The following TAF1 variants were observed in gnomAD, a reference collection of about 807,000 sequenced individuals.
TAF1 encodes transcription initiation factor TFIID subunit 1.
In TAF1, 2 loss-of-function variants were observed where a neutral mutation model predicts 138.5. The observed-to-expected ratio is 0.01, with a 90% CI of 0.01 to 0.05. The LOEUF (loss-of-function observed/expected upper bound fraction) is 0.05, where lower values mean the gene tolerates loss of function less well. TAF1 is among the 10% of genes least tolerant of loss of function. TAF1 has a pLI of 1.00. For synonymous variants in TAF1, 437 were observed against 503.2 expected, an observed-to-expected ratio of 0.87 and a Z score of 1.76; for missense variants, 709 against 1,478.0, an observed-to-expected ratio of 0.48 and a Z score of 8.53.
intron 13 of TAF1, among the ~76,000 whole-genome samples, chrX:71,473,507 A>T (rs12393417): frequency 0.024 from 2,596 of 108,051 alleles, 90 homozygotes; most frequent in African/African-American, 0.08. Flanking sequence ...CTTAAAAAAA[A>T]TTTTTTTTTT....
chrX:71,519,045 G>A (rs1172846333), intron 13 of TAF1, among the ~76,000 whole-genome samples: 3 of 108,240 alleles, frequency 2.8e-5, no homozygotes, highest in Non-Finnish European at 5.7e-5. Context: ...TACCCTGGCC[G>A]GGCGCGGTGG....
intron 3 of TAF1, among the ~76,000 whole-genome samples, chrX:71,369,605 C>CTTTTT (rs762612709): frequency 1.1e-5 from 1 of 92,203 alleles, no homozygotes; most frequent in African/African-American, 3.9e-5. Context: ...CAGTGTGTTT[C>CTTTTT]TTTTTTTTTT....
chrX:71,384,155 A>T lies in TAF1; in HGVS notation c.2121+20A>T, dbSNP rs199801881. 10 of 1,201,410 alleles carry T rather than the reference A, an allele frequency of 8.3e-6. No individual in the cohort carries two copies. In the African/African-American group the frequency reaches 1.1e-4, roughly 13 times the overall value. The stretch of plus-strand genomic sequence containing the variant: ...AAACGGGTGAGTCTCTGCTCAGAAA[A>T]TTTTTTTCCCATACATAATTCTGCT... On this transcript the variant is annotated intron_variant, in intron 13 of 37. Transcript: ENST00000423759.
In TAF1 at chrX:71,477,527, C is replaced by T. The variant is rs183259976; in HGVS notation, c.1366+16724C>T. ...CCAGTCCCAAACTCCTGGCCTCAAT[C>T]GATGCTCCTACCTCAGCCTTCCAAA... On this transcript the variant is annotated intron_variant and NMD_transcript_variant, in intron 13 of 14. Coordinates refer to the TAF1 transcript ENST00000373775. 3.3e-3 allele frequency among the ~76,000 whole-genome samples: 370 copies of T among 110,616 alleles called. 1 individual carries two copies. Among genetic ancestry groups the T allele is most frequent in the South Asian group, 9.6e-3 (25 of 2,605 alleles).
At chrX:71,407,819 T>G (rs2035554153) in intron 27 of TAF1, 147 bp downstream of exon 27, 2 of 963,201 alleles carry the variant, frequency 2.1e-6, no homozygotes, top group Admixed American at 3.5e-5. Context: ...TTGTTTGTTT[T>G]TTTAAGCAGT....
chrX:71,383,890 A>G (rs934745528), intron 12 of TAF1, 72 bp from the exon 13 acceptor site: 9 of 1,078,588 alleles, frequency 8.3e-6, no homozygotes, highest in Non-Finnish European at 1.1e-5. Context: ...TGTTTGTCTC[A>G]GATTGAACAA....
At chrX:71,457,475 G>A (rs1046168749) in intron 34 of TAF1, among the ~76,000 whole-genome samples, 1 of 111,945 alleles carries the variant, frequency 8.9e-6, no homozygotes, top group Non-Finnish European at 1.9e-5. Context: ...ACATTATTTT[G>A]TGAGCACTTT....
intron 13 of TAF1, among the ~76,000 whole-genome samples, chrX:71,498,198 C>T (rs2147561949): frequency 8.9e-6 from 1 of 111,828 alleles, no homozygotes; most frequent in African/African-American, 3.2e-5. Flanking sequence ...ACCCTTGGGG[C>T]AAGACCGTCA....
rs767602165 is a variant in TAF1 at position 71,432,830 on chromosome X, G to A, written c.4753+8592G>A. Reference sequence around the variant, plus strand: ...AATTTGTGTTTTATCTTAAAAATGTGTGCAAATTTTCCGTTAGGCTTATCT... The same window carrying A: ...AATTTGTGTTTTATCTTAAAAATGTATGCAAATTTTCCGTTAGGCTTATCT... On this transcript the variant is annotated intron_variant, in intron 32 of 37. Coordinates refer to ENST00000423759, the MANE Select transcript of TAF1 (RefSeq NM_004606.5). 2.7e-5 allele frequency among the ~76,000 whole-genome samples: 3 copies of A among 111,743 alleles called. No individual in the cohort carries two copies. In the South Asian group the frequency reaches 1.1e-3, roughly 41 times the overall value.
intron 13 of TAF1, among the ~76,000 whole-genome samples, chrX:71,525,322 G>A (rs753662918): frequency 4.5e-5 from 5 of 112,313 alleles, no homozygotes; most frequent in South Asian, 3.6e-4. Flanking sequence ...GATTACAGGC[G>A]TGAGCCACCA....
intron 22 of TAF1, among the ~76,000 whole-genome samples, chrX:71,396,414 T>G (rs914601490): frequency 3.8e-5 from 4 of 106,526 alleles, no homozygotes; most frequent in East Asian, 3.1e-4. Context: ...TCCTCCCACC[T>G]CAGCCTCCTG....
chrX:71,510,841 C>CTCCTGTAA (rs2039716496), intron 13 of TAF1, among the ~76,000 whole-genome samples: 1 of 112,068 alleles, frequency 8.9e-6, no homozygotes, highest in Non-Finnish European at 1.9e-5. Flanking sequence ...CGATGGCTCA[C>CTCCTGTAA]TCCTGTAATC....
In TAF1 at chrX:71,378,386, G is replaced by A. The variant is rs1234107715; in HGVS notation, c.1085G>A (p.Gly362Glu). The A allele has an allele frequency of 8.3e-7, 1 of 1,211,980 alleles. No individual in the cohort carries two copies. Among genetic ancestry groups the A allele is most frequent in the East Asian group, 3.0e-5 (1 of 33,870 alleles). The change falls in exon 7 of 38, where the codon GGG becomes GAG. Residue 362 changes from glycine to glutamate, a missense_variant. By Grantham distance (98) the Gly-to-Glu change is moderately conservative. Coordinates refer to ENST00000423759, the MANE Select transcript of TAF1 (RefSeq NM_004606.5). ...CTGGGTGTCCCTGAAGATGGCAGTG[G>A]GTTTGACTATGGCTTCAAACTGAGA... is the stretch of plus-strand genomic sequence containing the variant. ...DMLGVPEDGS[G>E]FDYGFKLRKT...
At chrX:71,460,846 C>T in intron 37 of TAF1, 43 bp downstream of exon 37, 1 of 1,166,075 alleles carries the variant, frequency 8.6e-7, no homozygotes, top group Non-Finnish European at 1.1e-6. Flanking sequence ...CATCAGTGCC[C>T]AGCTATGATG....
At chrX:71,452,944 G>A (rs1240745582) in intron 32 of TAF1, among the ~76,000 whole-genome samples, 3 of 111,967 alleles carry the variant, frequency 2.7e-5, no homozygotes, top group Non-Finnish European at 3.8e-5. Context: ...GCCTGCAATC[G>A]CAGGCACTCG....
Position 71,483,803 on chromosome X carries a change from T to TATAC in TAF1, c.1366+23001_1366+23002insTACA, listed in dbSNP as rs1290090578. On this transcript the variant is annotated intron_variant and NMD_transcript_variant, in intron 13 of 14. Transcript: ENST00000373775. The stretch of plus-strand genomic sequence containing the variant: ...CTCTATATATATATATATATATATA[T>TATAC]ACACACACATCCCTCATTATTTTTT... Among the ~76,000 whole-genome samples, 279 of 92,812 alleles carry TATAC rather than the reference T, an allele frequency of 3.0e-3. 4 individuals carry two copies. The highest frequency in any genetic ancestry group is 8.6e-3 in the African/African-American group (200 of 23,339). 80.6% of individuals were successfully genotyped at this position (92,812 alleles called of 115,157 possible). A position where few individuals can be genotyped will look rare whatever the true frequency, so the allele number is the denominator to read the frequency against.
At chrX:71,511,119 A>G (rs922784252) in intron 13 of TAF1, among the ~76,000 whole-genome samples, 6 of 104,308 alleles carry the variant, frequency 5.8e-5, no homozygotes, top group Non-Finnish European at 1.2e-4. Context: ...TAAAAAAAAT[A>G]AAAAAAAAAG....
intron 32 of TAF1, among the ~76,000 whole-genome samples, chrX:71,424,738 C>T (rs1024977352): frequency 8.9e-6 from 1 of 111,792 alleles, no homozygotes; most frequent in Non-Finnish European, 1.9e-5. Flanking sequence ...AATTTTCTTG[C>T]CTCAGCCTCC....
chrX:71,493,272 CAAAGT>C (rs2039332536), intron 13 of TAF1, among the ~76,000 whole-genome samples: 1 of 112,006 alleles, frequency 8.9e-6, no homozygotes, highest in Non-Finnish European at 1.9e-5. Flanking sequence ...CTCGGACTTC[CAAAGT>C]GCTAGGATTA....
Sources: gnomAD v4.1 joint callset for allele counts (sites outside exome capture counted in the v4.1 genomes callset) on GRCh38, gnomAD v4.1.1 for gene constraint, MANE v1.5 for transcripts, NCBI Gene and HGNC (gene_info 2026-07-23, HGNC 2026-07-21) for gene names.